The following PHF21A variants were observed in gnomAD, a reference collection of about 807,000 sequenced individuals.
PHF21A encodes the protein PHD finger protein 21A.
PHF21A carries 11 observed loss-of-function variants against 82.5 expected under a neutral mutation model. The observed-to-expected ratio is 0.13, with a 90% confidence interval of 0.08 to 0.22. PHF21A has a LOEUF of 0.22. PHF21A is among the 10% of genes least tolerant of loss of function. The pLI is 1.00. For synonymous variants in PHF21A, 297 were observed against 302.8 expected (o/e 0.98, Z 0.20); for missense variants, 579 against 837.8 (o/e 0.69, Z 3.81).
At chr11:45,977,178 C>T (rs1011296960) in intron 7 of PHF21A, among the ~76,000 whole-genome samples, 36 of 140,746 alleles carry the variant, frequency 2.6e-4, no homozygotes, top group African/African-American at 6.9e-4. Flanking sequence ...CTTGCTCTGT[C>T]GCCCAGCATG....
At chr11:45,945,780 A>G (rs2091198543) in intron 15 of PHF21A, 60 bp downstream of exon 15, 1 of 1,401,570 alleles carries the variant, frequency 7.1e-7, no homozygotes, top group African/African-American at 1.4e-5. Flanking sequence ...ACAACATATG[A>G]TAACGCTTTT....
chr11:45,996,112 T>A (rs895830185), intron 6 of PHF21A, among the ~76,000 whole-genome samples: 4 of 151,986 alleles, frequency 2.6e-5, no homozygotes, highest in African/African-American at 9.7e-5. Context: ...TCCAGCCAAT[T>A]TTTAAGTTTT....
intron 1 of PHF21A, chr11:46,117,112 C>T (rs956517976): frequency 3.3e-5 from 5 of 152,224 alleles, no homozygotes; most frequent in Non-Finnish European, 4.4e-5. Flanking sequence ...AACTTAATAT[C>T]TGCATGCTTT....
At chr11:46,030,747 TCA>T (rs896420751) in intron 6 of PHF21A, among the ~76,000 whole-genome samples, 9 of 152,084 alleles carry the variant, frequency 5.9e-5, no homozygotes, top group African/African-American at 9.7e-5. Flanking sequence ...TATATTTACT[TCA>T]GTTTTTTTTT....
At position 46,065,540 on chromosome 11, in the gene PHF21A, T is replaced by C. The variant is rs147110091; in HGVS notation, c.153+11214A>G. 3.2e-3 allele frequency among the ~76,000 whole-genome samples: 480 copies of C among 152,326 alleles called. 2 individuals carry two copies. The highest frequency in any genetic ancestry group is 0.011 in the African/African-American group (459 of 41,572). ...AGCAAATTCTCCTTATTTGAATCAA[T>C]AAATTCACTTACTATCTTAGCCACT... On this transcript the variant is annotated intron_variant, in intron 6 of 18. Transcript: ENST00000676320.
chr11:46,055,707 A>G (rs1414109677), intron 6 of PHF21A, among the ~76,000 whole-genome samples: 2 of 152,160 alleles, frequency 1.3e-5, no homozygotes, highest in Non-Finnish European at 2.9e-5. Context: ...ATCTCTTTAT[A>G]TAAACGCCCC....
intron 6 of PHF21A, among the ~76,000 whole-genome samples, chr11:45,988,742 T>C (rs1227334017): frequency 2.0e-5 from 3 of 151,756 alleles, no homozygotes; most frequent in Non-Finnish European, 2.9e-5. Flanking sequence ...ATACAAAAAT[T>C]AGCCAGGCAT....
chr11:46,114,558 C>T (rs1292902352), intron 1 of PHF21A, among the ~76,000 whole-genome samples: 2 of 152,160 alleles, frequency 1.3e-5, no homozygotes, highest in African/African-American at 2.4e-5. Context: ...TTTGAAGCTT[C>T]GTCAATACAA....
intron 16 of PHF21A, among the ~76,000 whole-genome samples, chr11:45,937,845 T>C (rs1446482824): frequency 6.6e-6 from 1 of 152,190 alleles, no homozygotes; most frequent in Non-Finnish European, 1.5e-5. Flanking sequence ...AGAAGAGTTT[T>C]AAAACCATAT....
At position 45,938,116 on chromosome 11, in the gene PHF21A, G is replaced by A. The variant is rs1477997152; in HGVS notation, c.1608+41C>T. 4 of 1,485,814 alleles carry A rather than the reference G, an allele frequency of 2.7e-6. No individual in the cohort carries two copies. The East Asian group carries it at 7.1e-5, about 27-fold the overall frequency. 92.0% of individuals were successfully genotyped at this position (1,485,814 alleles called of 1,614,324 possible). On this transcript the variant is annotated intron_variant, in intron 16 of 18. Transcript: ENST00000676320. ...AATTCCTCCTGATGGCCGTGTCTTT[G>A]TCCTCCTCGGCCCCTCCCCTGTTGG... is the stretch of plus-strand genomic sequence containing the variant.
At chr11:45,937,891 C>A (rs1026017436) in intron 16 of PHF21A, among the ~76,000 whole-genome samples, 1 of 152,200 alleles carries the variant, frequency 6.6e-6, no homozygotes, top group Non-Finnish European at 1.5e-5. Flanking sequence ...ATGAGGCACA[C>A]TGGACTTTAA....
intron 11 of PHF21A, 70 bp from the exon 12 acceptor site, chr11:45,950,327 GTAGGACAT>G: frequency 5.1e-6 from 7 of 1,376,256 alleles, no homozygotes; most frequent in Non-Finnish European, 7.2e-6. Flanking sequence ...CCAGTTCCTA[GTAGGACAT>G]TAGGGAAAGC....
intron 7 of PHF21A, among the ~76,000 whole-genome samples, chr11:45,976,035 AC>A (rs2094006062): frequency 6.6e-6 from 1 of 152,058 alleles, no homozygotes; most frequent in Non-Finnish European, 1.5e-5. Flanking sequence ...CTTCCCTATG[AC>A]TGTTAAAAAA....
chr11:46,028,612 C>T (rs1370128806), intron 6 of PHF21A, among the ~76,000 whole-genome samples: 1 of 134,420 alleles, frequency 7.4e-6, no homozygotes. Flanking sequence ...CTCGTTCTGT[C>T]GCCCAGGCTG....
chr11:46,092,537 ACTC>A (rs1476469268), intron 1 of PHF21A, among the ~76,000 whole-genome samples: 1 of 151,928 alleles, frequency 6.6e-6, no homozygotes, highest in Non-Finnish European at 1.5e-5. Flanking sequence ...ACATACAACT[ACTC>A]CTTCATCCCC....
intron 6 of PHF21A, among the ~76,000 whole-genome samples, chr11:46,037,074 T>G (rs1440186067): frequency 6.6e-6 from 1 of 152,184 alleles, no homozygotes; most frequent in Non-Finnish European, 1.5e-5. Context: ...TAATAATCTT[T>G]TTTCCCTTGG....
intron 6 of PHF21A, among the ~76,000 whole-genome samples, chr11:46,060,193 T>C (rs928849672): frequency 6.6e-6 from 1 of 152,148 alleles, no homozygotes; most frequent in Non-Finnish European, 1.5e-5. Context: ...GGATGGGGTC[T>C]TGCTACGTTG....
At chr11:46,008,321 A>G (rs1372896500) in intron 6 of PHF21A, among the ~76,000 whole-genome samples, 1 of 152,252 alleles carries the variant, frequency 6.6e-6, no homozygotes, top group African/African-American at 2.4e-5. Flanking sequence ...AATACAGAGC[A>G]GAGTTCCACA....
intron 1 of PHF21A, among the ~76,000 whole-genome samples, chr11:46,095,389 G>A (rs1465829906): frequency 3.9e-5 from 6 of 151,920 alleles, no homozygotes; most frequent in Admixed American, 2.6e-4. Context: ...TTCTAACTAA[G>A]GTACTTCAAA....
Sources: gnomAD v4.1 joint callset for allele counts (sites outside exome capture counted in the v4.1 genomes callset) on GRCh38, gnomAD v4.1.1 for gene constraint, MANE v1.5 for transcripts, NCBI Gene and HGNC (gene_info 2026-07-23, HGNC 2026-07-21) for gene names.